Variants in GPR158 observed in about 807,000 individuals in gnomAD.
The protein encoded by GPR158 is G protein-coupled receptor 158, also known as metabotropic glycine receptor.
In GPR158, 30 loss-of-function variants were observed where a neutral mutation model predicts 78.2. That is an observed-to-expected ratio of 0.38 (90% CI 0.29 to 0.52). The LOEUF is 0.52. Ranked by LOEUF, GPR158 falls within the 20% of genes least tolerant of loss-of-function variation. The pLI is 0.83. For missense variants in GPR158, 1,463 were observed against 1,523.5 expected, an observed-to-expected ratio of 0.96 and a Z score of 0.66; for synonymous variants, 581 against 591.1, an observed-to-expected ratio of 0.98 and a Z score of 0.25.
At chr10:25,408,329 T>A (rs1834541642) in intron 3 of GPR158, among the ~76,000 whole-genome samples, 1 of 152,212 alleles carries the variant, frequency 6.6e-6, no homozygotes, top group Non-Finnish European at 1.5e-5. Flanking sequence ...GGATTCACTG[T>A]CCTTTGTTGC....
chr10:25,588,482 A>G (rs1026663114), intron 7 of GPR158, among the ~76,000 whole-genome samples: 1 of 152,228 alleles, frequency 6.6e-6, no homozygotes, highest in Non-Finnish European at 1.5e-5. Context: ...ACAAGGTTTT[A>G]TTTATAAAAT....
At chr10:25,537,207 T>C (rs746115656) in intron 5 of GPR158, among the ~76,000 whole-genome samples, 3 of 152,242 alleles carry the variant, frequency 2.0e-5, no homozygotes, top group Non-Finnish European at 4.4e-5. Flanking sequence ...CAAAACAAAG[T>C]AATTCCCAGG....
chr10:25,569,513 C>T (rs922291243), intron 6 of GPR158, among the ~76,000 whole-genome samples: 1 of 152,244 alleles, frequency 6.6e-6, no homozygotes, highest in South Asian at 2.1e-4. Flanking sequence ...TTCTCTGAAG[C>T]ACTGTTTCTC....
chr10:25,289,966 C>A (rs569345710), intron 2 of GPR158, among the ~76,000 whole-genome samples: 18 of 152,262 alleles, frequency 1.2e-4, no homozygotes, highest in African/African-American at 4.3e-4. Context: ...CTGGGTCCTG[C>A]AAGTCTTCAT....
At chr10:25,368,909 G>A (rs1458671576) in intron 2 of GPR158, among the ~76,000 whole-genome samples, 3 of 148,462 alleles carry the variant, frequency 2.0e-5, no homozygotes, top group Admixed American at 6.7e-5. Context: ...TGGATTCCTA[G>A]GTATTTTATT....
rs538535803 is a variant in GPR158, at chr10:25,291,847, TTAA to T, written c.1008+70693_1008+70695del. 2.4e-4 allele frequency among the ~76,000 whole-genome samples: 28 copies of T among 114,516 alleles called. No individual in the cohort carries two copies. In the South Asian group the frequency reaches 2.8e-3, roughly 12 times the overall value. The allele number at this position is 114,516 out of a possible 152,430, so 75.1% of individuals were successfully genotyped here. Reference sequence around the variant, plus strand: ...ATAAGGCTATATGAAGATGATATAGTTAATATTAATAGCTGAGAAAGCAATTTC... The same window carrying T: ...ATAAGGCTATATGAAGATGATATAGTTATTAATAGCTGAGAAAGCAATTTC... On this transcript the variant is annotated intron_variant, in intron 2 of 10. Transcript: ENST00000376351.
chr10:25,301,044 A>G (rs565381815), intron 2 of GPR158, among the ~76,000 whole-genome samples: 1 of 152,296 alleles, frequency 6.6e-6, no homozygotes, highest in Non-Finnish European at 1.5e-5. Flanking sequence ...TCTTTCCTCA[A>G]GTTTTAACCA....
chr10:25,261,772 C>T (rs1853972047), intron 2 of GPR158, among the ~76,000 whole-genome samples: 1 of 152,002 alleles, frequency 6.6e-6, no homozygotes. Context: ...CTGCCATGGC[C>T]CTTTTCCCTT....
chr10:25,567,429 A>C (rs538916500), intron 6 of GPR158, among the ~76,000 whole-genome samples: 1 of 152,314 alleles, frequency 6.6e-6, no homozygotes, highest in Admixed American at 6.5e-5. Context: ...TTTCAGAGTC[A>C]GTAGGTCTGG....
chr10:25,574,824 G>A (rs770630900), intron 7 of GPR158, among the ~76,000 whole-genome samples: 22 of 152,132 alleles, frequency 1.4e-4, no homozygotes, highest in Non-Finnish European at 2.4e-4. Flanking sequence ...GGCGGAGGTC[G>A]CAGTAAGCCG....
At chr10:25,252,144 A>G (rs1853812319) in intron 2 of GPR158, among the ~76,000 whole-genome samples, 1 of 151,810 alleles carries the variant, frequency 6.6e-6, no homozygotes, top group Non-Finnish European at 1.5e-5. Flanking sequence ...ATAGTTCTCG[A>G]GCCTTGGTTT....
chr10:25,183,522 T>C (rs977357252), intron 1 of GPR158, among the ~76,000 whole-genome samples: 3 of 152,212 alleles, frequency 2.0e-5, no homozygotes, highest in African/African-American at 4.8e-5. Context: ...ACCTATCTTT[T>C]TGTACAAGGT....
At chr10:25,400,062 A>C (rs978392282) in intron 3 of GPR158, among the ~76,000 whole-genome samples, 1 of 152,230 alleles carries the variant, frequency 6.6e-6, no homozygotes, top group African/African-American at 2.4e-5. Context: ...ATATAAAAAC[A>C]TAACATTAAT....
At chr10:25,492,412 T>TC (rs1835822742) in intron 5 of GPR158, among the ~76,000 whole-genome samples, 1 of 147,880 alleles carries the variant, frequency 6.8e-6, no homozygotes, top group East Asian at 1.9e-4. Flanking sequence ...TTTTTCTTTT[T>TC]CTTTTTTTTT....
chr10:25,563,955 A>AT lies in GPR158; in HGVS notation c.1515-8684dup, dbSNP rs540635299. Reference sequence around the variant, plus strand: ...ATAATCTTGTTTCTTTGCGTGCCTCATTTTTTTTTTAGAGGCTGAACATTT... The same window carrying AT: ...ATAATCTTGTTTCTTTGCGTGCCTCATTTTTTTTTTTAGAGGCTGAACATTT... On this transcript the variant is annotated intron_variant, in intron 6 of 10. Transcript: ENST00000376351. Among the ~76,000 whole-genome samples, 696 of 146,970 alleles carry AT rather than the reference A, an allele frequency of 4.7e-3. 6 individuals carry two copies. Among genetic ancestry groups the AT allele is most frequent in the African/African-American group, 0.015 (611 of 40,190 alleles).
intron 5 of GPR158, among the ~76,000 whole-genome samples, chr10:25,531,919 A>G (rs1836428611): frequency 1.3e-5 from 2 of 152,132 alleles, no homozygotes; most frequent in Admixed American, 1.3e-4. Flanking sequence ...TCCAGAGCTT[A>G]TCATCTTTCC....
chr10:25,377,465 C>T (rs940675612), intron 2 of GPR158, among the ~76,000 whole-genome samples: 11 of 151,930 alleles, frequency 7.2e-5, no homozygotes, highest in African/African-American at 2.7e-4. Context: ...AGTCATGCAA[C>T]CATCATCACT....
rs75439345 is a variant in GPR158 at position 25,226,594 on chromosome 10, A to G, written c.1008+5437A>G. 9.8e-3 allele frequency among the ~76,000 whole-genome samples: 1,489 copies of G among 152,298 alleles called. 30 individuals are homozygous for G. Among genetic ancestry groups the G allele is most frequent in the African/African-American group, 0.033 (1,380 of 41,560 alleles). ...ATAGTCTCACAGTAAGTGAGGAGTA[A>G]ACACTGGTAATCACTGTGGATATTT... is the stretch of plus-strand genomic sequence containing the variant. On this transcript the variant is annotated intron_variant, in intron 2 of 10. Transcript: ENST00000376351.
At chr10:25,527,556 T>A (rs898985746) in intron 5 of GPR158, among the ~76,000 whole-genome samples, 1 of 152,122 alleles carries the variant, frequency 6.6e-6, no homozygotes, top group African/African-American at 2.4e-5. Context: ...ATGTGAGATA[T>A]CAAAATTAGT....
Sources: allele counts gnomAD v4.1 joint callset (sites outside exome capture counted in the v4.1 genomes callset), GRCh38; gene constraint gnomAD v4.1.1; transcripts MANE v1.5; gene names NCBI Gene and HGNC (gene_info 2026-07-23, HGNC 2026-07-21).